WDHD1: variants seen among roughly 807,000 people sequenced by gnomAD.
WDHD1 encodes the protein WD repeat and HMG-box DNA binding protein 1, also known as WD repeat and HMG-box DNA-binding protein 1.
WDHD1 carries 111 observed loss-of-function variants against 135.4 expected under a neutral mutation model. That is an observed-to-expected ratio of 0.82 (90% CI 0.70 to 0.96). WDHD1 has a LOEUF of 0.96. Among genes scored for constraint, WDHD1 ranks in the 40% least tolerant of loss-of-function variants. WDHD1 has a pLI of 0.00. For synonymous variants in WDHD1, 434 were observed against 439.0 expected, an observed-to-expected ratio of 0.99 and a Z score of 0.14; for missense variants, 1,351 against 1,336.3, an observed-to-expected ratio of 1.01 and a Z score of -0.17.
intron 6 of WDHD1, among the ~76,000 whole-genome samples, chr14:55,007,713 A>G (rs545919575): frequency 1.1e-3 from 167 of 152,388 alleles, no homozygotes; most frequent in Non-Finnish European, 1.8e-3. Flanking sequence ...ATAAAATGTT[A>G]AAGTGTCAAA....
At chr14:54,978,458 G>C (rs1192631006) in intron 16 of WDHD1, among the ~76,000 whole-genome samples, 1 of 151,996 alleles carries the variant, frequency 6.6e-6, no homozygotes, top group Non-Finnish European at 1.5e-5. Flanking sequence ...GGTAGCCTGT[G>C]CCTGTAGTTC....
At chr14:54,988,098 CCAT>C (rs772162708) in intron 13 of WDHD1, among the ~76,000 whole-genome samples, 13 of 152,124 alleles carry the variant, frequency 8.5e-5, no homozygotes, top group Non-Finnish European at 1.3e-4. Context: ...CATTGCTTTC[CCAT>C]CATAATTTTT....
chr14:55,024,724 A>G lies in WDHD1; in HGVS notation c.77+1987T>C, dbSNP rs1003027994. Among the ~76,000 whole-genome samples the G allele has an allele frequency of 2.7e-5, 4 of 146,958 alleles. No individual in the cohort carries two copies. The South Asian group carries it at 6.9e-4, about 25-fold the overall frequency. ...TGAAACGTGTGCTGTGTCAACTCAGAGTTAAATGGATTAAGGGCGGTGCAA... is the reference window on the plus strand; with the variant it reads ...TGAAACGTGTGCTGTGTCAACTCAGGGTTAAATGGATTAAGGGCGGTGCAA... On this transcript the variant is annotated intron_variant, in intron 2 of 25. Coordinates refer to ENST00000360586, the MANE Select transcript of WDHD1 (RefSeq NM_007086.4).
intron 18 of WDHD1, among the ~76,000 whole-genome samples, chr14:54,963,446 T>G (rs1444436229): frequency 1.3e-5 from 2 of 152,134 alleles, no homozygotes; most frequent in Non-Finnish European, 2.9e-5. Context: ...GGCTTAGATT[T>G]GATGAAATAT....
intron 8 of WDHD1, among the ~76,000 whole-genome samples, chr14:55,001,367 C>A (rs956128365): frequency 5.9e-5 from 9 of 152,312 alleles, no homozygotes; most frequent in African/African-American, 2.2e-4. Context: ...CTCAAGCAAT[C>A]CTCCTGCCTC....
intron 6 of WDHD1, among the ~76,000 whole-genome samples, 194 bp from the exon 7 acceptor site, chr14:55,007,569 C>T (rs969923771): frequency 1.2e-4 from 19 of 152,092 alleles, no homozygotes; most frequent in Non-Finnish European, 2.2e-4. Flanking sequence ...GAGTACAAAT[C>T]TTAAATAACT....
At chr14:54,968,046 T>C (rs1182384228) in intron 16 of WDHD1, among the ~76,000 whole-genome samples, 1 of 152,200 alleles carries the variant, frequency 6.6e-6, no homozygotes, top group African/African-American at 2.4e-5. Flanking sequence ...GGAATCCATG[T>C]TATCACCAAG....
At position 54,944,318 on chromosome 14, in the gene WDHD1, ACAATTATCCTTACCTTTCTTTCTT is replaced by A. The variant is rs1483798239; in HGVS notation, c.3179_3189+13del. ...AATTCACTAAGATCTCAATCTCGGC[ACAATTATCCTTACCTTTCTTTCTT>A]CAGTTGACAATACTCTAAATCGAAT... is the stretch of plus-strand genomic sequence containing the variant. On this transcript the variant is annotated splice_donor_variant and splice_donor_5th_base_variant and coding_sequence_variant and intron_variant, in exon 25 of 26. Transcript: ENST00000360586. LOFTEE classifies it high-confidence loss of function. 6.3e-7 allele frequency: 1 copy of A among 1,597,658 alleles called. No homozygotes were observed. The highest frequency in any genetic ancestry group is 1.4e-5 in the African/African-American group (1 of 73,838).
Position 54,944,387 on chromosome 14 carries a change from T to G in WDHD1, c.3134A>C (p.Asp1045Ala). Reference protein sequence around the residue: ...SDNPDFSDEADIIKEGMIRFR... With the variant: ...SDNPDFSDEAAIIKEGMIRFR... ...TCGAATCATTCCTTCTTTTATTATG[T>G]CTGCTTCATCTGAAAAGTCAGGATT... The change falls in exon 25 of 26, where the codon GAC becomes GCC. Residue 1045 changes from aspartate (D) to alanine (A), a missense_variant. This residue lies in a region of WDHD1 where 1,330 missense variants were observed against 1,296.1 expected (regional missense o/e 1.03). Coordinates refer to ENST00000360586, the MANE Select transcript of WDHD1 (RefSeq NM_007086.4). 6.2e-7 allele frequency: 1 copy of G among 1,609,184 alleles called. No homozygotes were observed. The highest frequency in any genetic ancestry group is 8.5e-7 in the Non-Finnish European group (1 of 1,179,184).
rs778590539 is a variant in WDHD1, at chr14:54,967,358, G to C, written c.2100C>G (p.Thr700=). 1.1e-5 allele frequency: 18 copies of C among 1,611,960 alleles called. 1 individual carries two copies. Among genetic ancestry groups the C allele is most frequent in the Admixed American group, 5.0e-5 (3 of 59,838 alleles). Reference sequence around the variant, plus strand: ...ATATAGCAACAGCAGGGCGTGGAAGGGTTGGGGGAAACCGAGAACCTTTAC... The same window carrying C: ...ATATAGCAACAGCAGGGCGTGGAAGCGTTGGGGGAAACCGAGAACCTTTAC... ...IPCKGSRFPP[T]LPRPAVAILS... is the part of the protein sequence containing the mutation. The change falls in exon 17 of 26, where the codon ACC becomes ACG. Residue 700 remains threonine, a synonymous_variant. Coordinates refer to ENST00000360586, the MANE Select transcript of WDHD1 (RefSeq NM_007086.4).
chr14:55,000,975 G>T lies in WDHD1; in HGVS notation c.711C>A (p.Thr237=). 6.3e-7 allele frequency: 1 copy of T among 1,578,766 alleles called. No individual in the cohort carries two copies. The highest frequency in any genetic ancestry group is 1.2e-5 in the South Asian group (1 of 83,080). ...NFISQTLNIV[T]WSPCGQYLAA... is the part of the protein sequence containing the mutation. ...CTAAATATTGCCCACAGGGAGACCA[G>T]GTTACTATATTGAGGGTCTGTAAAG... is the stretch of plus-strand genomic sequence containing the variant. The change falls in exon 9 of 26, where the codon ACC becomes ACA. Residue 237 remains threonine, a synonymous_variant. Transcript: ENST00000360586.
intron 10 of WDHD1, among the ~76,000 whole-genome samples, chr14:55,000,245 G>C (rs912395342): frequency 2.6e-5 from 4 of 152,140 alleles, no homozygotes; most frequent in African/African-American, 9.7e-5. Context: ...ACTGAGACCT[G>C]ATACAAAATA....
chr14:54,953,790 C>A (rs1040543497), intron 24 of WDHD1, among the ~76,000 whole-genome samples: 4 of 152,024 alleles, frequency 2.6e-5, no homozygotes, highest in Non-Finnish European at 4.4e-5. Flanking sequence ...TACTATACAG[C>A]CATAAAAAAG....
chr14:54,962,077 C>T (rs962386937), intron 21 of WDHD1, among the ~76,000 whole-genome samples: 11 of 152,118 alleles, frequency 7.2e-5, no homozygotes, highest in Admixed American at 2.0e-4. Flanking sequence ...CCTCGTTATC[C>T]GCCCACTCCG....
At chr14:54,981,841 C>A in intron 15 of WDHD1, 145 bp from the exon 16 acceptor site, 2 of 474,262 alleles carry the variant, frequency 4.2e-6, no homozygotes, top group East Asian at 3.3e-5. Flanking sequence ...AAGATTATTA[C>A]GTAAAATTTC....
rs768807129 is a variant in WDHD1 at position 54,957,035 on chromosome 14, T to C, written c.2915A>G (p.Gln972Arg). The C allele has an allele frequency of 1.2e-6, 2 of 1,613,268 alleles. No individual in the cohort carries two copies. Among genetic ancestry groups the C allele is most frequent in the Non-Finnish European group, 1.7e-6 (2 of 1,179,588 alleles). ...AGATGAGGGTAGCTGAAACAGTACC[T>C]GCTTAGGCTTCGGCTTTGGAATCAG... ...KPLIPKPKPKQASAASYFQKR... is the reference protein window; with the variant it reads ...KPLIPKPKPKRASAASYFQKR... Residue 972 changes from glutamine (Q) to arginine (R), a missense_variant and splice_region_variant, in exon 23 of 26, where the codon CAG (glutamine) becomes CGG (arginine). Gln to Arg is a conservative substitution (Grantham distance 43, BLOSUM62 1). Transcript: ENST00000360586.
chr14:55,023,573 T>G (rs2140235477), intron 2 of WDHD1, among the ~76,000 whole-genome samples: 1 of 152,368 alleles, frequency 6.6e-6, no homozygotes, highest in East Asian at 1.9e-4. Context: ...TTCATATGAT[T>G]CCCATGGTGT....
chr14:54,957,309 C>T (rs1341225377), intron 22 of WDHD1, 105 bp from the exon 23 acceptor site: 1 of 1,234,978 alleles, frequency 8.1e-7, no homozygotes, highest in African/African-American at 1.5e-5. Context: ...ATTGCCATCT[C>T]ATCTTTAGAA....
intron 24 of WDHD1, among the ~76,000 whole-genome samples, chr14:54,948,874 T>G (rs1324668726): frequency 6.6e-6 from 1 of 152,220 alleles, no homozygotes; most frequent in East Asian, 1.9e-4. Flanking sequence ...CAGCCTCCGC[T>G]GCTGATACCC....
Sources: gnomAD v4.1 joint callset for allele counts (sites outside exome capture counted in the v4.1 genomes callset) on GRCh38, gnomAD v4.1.1 for gene constraint, gnomAD v4.1.1 regional missense constraint, MANE v1.5 for transcripts, NCBI Gene and HGNC (gene_info 2026-07-23, HGNC 2026-07-21) for gene names.